SCAI: variants seen among roughly 807,000 people sequenced by gnomAD.
SCAI encodes the protein suppressor of cancer cell invasion.
A neutral mutation model predicts 92.2 loss-of-function variants in SCAI; 24 were observed. The ratio of observed to expected loss-of-function variants is 0.26; its 90% CI spans 0.19 to 0.37. The LOEUF (loss-of-function observed/expected upper bound fraction) is 0.37, where lower values mean the gene tolerates loss of function less well. SCAI is among the 10% of genes least tolerant of loss of function. SCAI has a pLI of 1.00. For missense variants in SCAI, 450 were observed against 736.2 expected (o/e 0.61, Z 4.50); for synonymous variants, 261 against 258.6 (o/e 1.01, Z -0.09).
chr9:125,142,734 C>CG, intron 1 of SCAI, 57 bp from the exon 2 acceptor site: 1 of 1,476,298 alleles, frequency 6.8e-7, no homozygotes. Context: ...AAACATCTCC[C>CG]GGCGCTACCG....
At chr9:124,979,780 T>C (rs1424243494) in intron 14 of SCAI, among the ~76,000 whole-genome samples, 3 of 152,166 alleles carry the variant, frequency 2.0e-5, no homozygotes, top group African/African-American at 7.2e-5. Flanking sequence ...CTGGGCGCGG[T>C]GGCTCACGCC....
At chr9:125,119,704 T>G (rs1233593179) in intron 2 of SCAI, among the ~76,000 whole-genome samples, 1 of 152,168 alleles carries the variant, frequency 6.6e-6, no homozygotes, top group Non-Finnish European at 1.5e-5. Flanking sequence ...AATCTGCAAT[T>G]TGGGTAGAGT....
At chr9:125,124,583 T>C (rs1835223069) in intron 2 of SCAI, among the ~76,000 whole-genome samples, 2 of 152,220 alleles carry the variant, frequency 1.3e-5, no homozygotes, top group Non-Finnish European at 2.9e-5. Context: ...CTTTTTGTTC[T>C]AGCCAGGTCT....
intron 14 of SCAI, among the ~76,000 whole-genome samples, chr9:124,992,683 G>T (rs1832153803): frequency 6.6e-6 from 1 of 151,982 alleles, no homozygotes; most frequent in East Asian, 1.9e-4. Context: ...TGCACGCCTG[G>T]CCTCCCTTTT....
chr9:124,989,754 G>A (rs1052481225), intron 14 of SCAI, among the ~76,000 whole-genome samples: 15 of 151,108 alleles, frequency 9.9e-5, no homozygotes, highest in Admixed American at 4.6e-4. Flanking sequence ...ATGGTGGCGC[G>A]TGCCTGTAAT....
intron 2 of SCAI, among the ~76,000 whole-genome samples, chr9:125,115,286 G>A (rs1835017026): frequency 7.0e-6 from 1 of 143,560 alleles, no homozygotes; most frequent in Non-Finnish European, 1.5e-5. Flanking sequence ...GCAGGAGAAT[G>A]ACATGAACTC....
chr9:125,074,055 C>T (rs1311927890), intron 2 of SCAI, among the ~76,000 whole-genome samples: 5 of 151,320 alleles, frequency 3.3e-5, no homozygotes, highest in Non-Finnish European at 5.9e-5. Flanking sequence ...GTCAAGAGAT[C>T]GAGACCGTCC....
At chr9:124,986,839 T>G (rs1019376931) in intron 14 of SCAI, among the ~76,000 whole-genome samples, 1 of 152,206 alleles carries the variant, frequency 6.6e-6, no homozygotes, top group African/African-American at 2.4e-5. Flanking sequence ...TGTGAATGCC[T>G]TAAGAAACTG....
intron 13 of SCAI, among the ~76,000 whole-genome samples, chr9:124,996,791 G>A (rs1037109064): frequency 6.6e-6 from 1 of 151,644 alleles, no homozygotes; most frequent in African/African-American, 2.4e-5. Context: ...CACCACACCC[G>A]GCTAATTTTT....
intron 7 of SCAI, 52 bp downstream of exon 7, chr9:125,020,621 T>A: frequency 1.3e-6 from 1 of 753,986 alleles, no homozygotes; most frequent in Non-Finnish European, 2.2e-6. Context: ...AAAAATAAGA[T>A]CATCCATATA....
intron 2 of SCAI, among the ~76,000 whole-genome samples, chr9:125,127,352 T>C (rs1323398957): frequency 2.6e-5 from 4 of 151,926 alleles, no homozygotes; most frequent in Non-Finnish European, 1.5e-5. Context: ...ATCACTGAGA[T>C]TGTATTTCTA....
chr9:125,032,195 A>ATATTTTTTTTTTT (rs1177865840), intron 3 of SCAI, among the ~76,000 whole-genome samples: 1 of 99,476 alleles, frequency 1.0e-5, no homozygotes, highest in African/African-American at 4.8e-5. Context: ...ATATATATAT[A>ATATTTTTTTTTTT]TTTTTTTTTT....
At chr9:124,953,109 A>G (rs1831256853) in intron 17 of SCAI, among the ~76,000 whole-genome samples, 156 bp from the exon 18 acceptor site, 1 of 152,206 alleles carries the variant, frequency 6.6e-6, no homozygotes, top group African/African-American at 2.4e-5. Flanking sequence ...CTGATATTTA[A>G]CCATTTTGAC....
chr9:124,969,289 G>A (rs920377413), intron 17 of SCAI, among the ~76,000 whole-genome samples: 2 of 151,796 alleles, frequency 1.3e-5, no homozygotes, highest in African/African-American at 4.8e-5. Context: ...TAATAAAACA[G>A]AAAGAAATAA....
At chr9:124,968,990 G>A in intron 17 of SCAI, 1 of 352,346 alleles carries the variant, frequency 2.8e-6, no homozygotes, top group Non-Finnish European at 5.2e-6. Flanking sequence ...TGCACAGTTG[G>A]CCCATGCAGT....
At chr9:125,115,392 A>AC (rs1835023833) in intron 2 of SCAI, among the ~76,000 whole-genome samples, 1 of 151,182 alleles carries the variant, frequency 6.6e-6, no homozygotes, top group African/African-American at 2.4e-5. Context: ...AAAAAAAAAA[A>AC]AACTCTTGAA....
intron 2 of SCAI, among the ~76,000 whole-genome samples, chr9:125,072,870 T>C (rs1050667926): frequency 5.9e-5 from 9 of 152,156 alleles, no homozygotes; most frequent in African/African-American, 2.2e-4. Flanking sequence ...AGTATTTCCT[T>C]CCTTTTTAAG....
chr9:125,130,935 G>GTTTTTTTT (rs1564133509), intron 2 of SCAI, among the ~76,000 whole-genome samples: 1 of 92,738 alleles, frequency 1.1e-5, no homozygotes, highest in Non-Finnish European at 2.5e-5. Context: ...GGTTTGAACC[G>GTTTTTTTT]CTTTTTTTTT....
At chr9:125,122,611 A>AG in intron 2 of SCAI, among the ~76,000 whole-genome samples, 1 of 144,784 alleles carries the variant, frequency 6.9e-6, no homozygotes, top group Non-Finnish European at 1.5e-5. Flanking sequence ...AAAAAAAAAA[A>AG]AAAGCTGGTT....
Sources: allele counts gnomAD v4.1 joint callset (sites outside exome capture counted in the v4.1 genomes callset), GRCh38; gene constraint gnomAD v4.1.1; transcripts MANE v1.5; gene names NCBI Gene and HGNC (gene_info 2026-07-23, HGNC 2026-07-21).